Variants in PDE4DIP observed in about 807,000 individuals in gnomAD.
PDE4DIP encodes the protein myomegalin.
PDE4DIP carries 59 observed loss-of-function variants against 221.4 expected under a neutral mutation model. The ratio of observed to expected loss-of-function variants is 0.27; its 90% confidence interval spans 0.22 to 0.33. The LOEUF is 0.33. Ranked by LOEUF, PDE4DIP falls within the 10% of genes least tolerant of loss-of-function variation. PDE4DIP has a pLI of 1.00. For synonymous variants in PDE4DIP, 404 were observed against 815.9 expected (o/e 0.50, Z 8.60); for missense variants, 1,036 against 2,154.2 (o/e 0.48, Z 10.28).
At chr1:149,022,058 G>T (rs1315628058) in intron 37 of PDE4DIP, among the ~76,000 whole-genome samples, 1 of 150,592 alleles carries the variant, frequency 6.6e-6, no homozygotes, top group Non-Finnish European at 1.5e-5. Flanking sequence ...TAGGATGAGG[G>T]TAGAAATATA....
intron 43 of PDE4DIP, chr1:149,030,686 G>A: frequency 2.1e-6 from 2 of 974,242 alleles, no homozygotes; most frequent in Non-Finnish European, 2.4e-6. Context: ...AAAAGTAAAA[G>A]CAATTTGCAA....
At chr1:148,955,495 C>T (rs1341748216) in intron 5 of PDE4DIP, among the ~76,000 whole-genome samples, 2 of 152,122 alleles carry the variant, frequency 1.3e-5, no homozygotes, top group African/African-American at 4.8e-5. Flanking sequence ...TTCAGGCAGT[C>T]TCTCAATTTG....
intron 17 of PDE4DIP, 43 bp from the exon 21 acceptor site, chr1:148,977,894 G>A: frequency 1.2e-6 from 2 of 1,602,310 alleles, no homozygotes; most frequent in African/African-American, 1.3e-5. Context: ...TTGCCTCAGT[G>A]TTAAAATGTA....
intron 4 of PDE4DIP, among the ~76,000 whole-genome samples, chr1:148,933,245 A>G (rs1394948008): frequency 3.3e-5 from 5 of 152,204 alleles, no homozygotes; most frequent in African/African-American, 1.2e-4. Context: ...TCTATGCAGA[A>G]GGAGAAACTA....
At chr1:148,926,757 G>A (rs1463706461) in intron 1 of PDE4DIP, among the ~76,000 whole-genome samples, 4 of 151,872 alleles carry the variant, frequency 2.6e-5, no homozygotes, top group Non-Finnish European at 4.4e-5. Context: ...CTAGCTTAGG[G>A]ACTATTTTTT....
intron 5 of PDE4DIP, among the ~76,000 whole-genome samples, chr1:148,951,507 G>A (rs1553488276): frequency 6.6e-6 from 1 of 152,246 alleles, no homozygotes; most frequent in Non-Finnish European, 1.5e-5. Context: ...TCTGGCGCGA[G>A]CTGCATTCCC....
chr1:149,010,236 T>G (rs1489840622), intron 30 of PDE4DIP, among the ~76,000 whole-genome samples: 16 of 152,064 alleles, frequency 1.1e-4, no homozygotes, highest in Non-Finnish European at 2.1e-4. Flanking sequence ...GTTTCAGAGC[T>G]CAGAGCACCG....
At chr1:149,025,357 A>G (rs1553626255) in intron 38 of PDE4DIP, among the ~76,000 whole-genome samples, 9,676 of 148,188 alleles carry the variant, frequency 0.065, 611 homozygotes, top group East Asian at 0.4. Flanking sequence ...AACTCAGTGT[A>G]TGGTAAAATG....
intron 1 of PDE4DIP, among the ~76,000 whole-genome samples, chr1:148,918,477 C>T (rs1553459960): frequency 9.3e-6 from 1 of 108,002 alleles, no homozygotes. Context: ...TTTCTAGTAC[C>T]TATTAAAGTG....
At chr1:148,933,828 C>T (rs1349562339) in intron 4 of PDE4DIP, among the ~76,000 whole-genome samples, 1 of 151,640 alleles carries the variant, frequency 6.6e-6, no homozygotes, top group Non-Finnish European at 1.5e-5. Flanking sequence ...ACACTCATCA[C>T]CCACCACCAT....
intron 9 of PDE4DIP, among the ~76,000 whole-genome samples, chr1:148,963,009 C>T (rs1347385995): frequency 6.6e-6 from 1 of 152,172 alleles, no homozygotes. Flanking sequence ...TCTCCCACTT[C>T]AGCCTCCAGA....
intron 1 of PDE4DIP, among the ~76,000 whole-genome samples, chr1:148,915,117 G>A (rs1205142216): frequency 6.8e-6 from 1 of 147,796 alleles, no homozygotes; most frequent in East Asian, 1.9e-4. Context: ...GAGACTGCCA[G>A]TGCTTTCTTC....
At chr1:149,031,834 C>T (rs1389935082) in intron 43 of PDE4DIP, 110 bp from the exon 47 acceptor site, 81 of 972,274 alleles carry the variant, frequency 8.3e-5, no homozygotes, top group Middle Eastern at 6.1e-4. Flanking sequence ...AACTGGCTCT[C>T]ACCGTGCTCC....
chr1:148,980,407 G>C (rs1368845917), intron 20 of PDE4DIP, among the ~76,000 whole-genome samples: 2 of 152,092 alleles, frequency 1.3e-5, no homozygotes, highest in Admixed American at 1.3e-4. Flanking sequence ...AAAAGAAAAA[G>C]AGTAAGGCTA....
chr1:148,953,912 A>G (rs2054389490), intron 5 of PDE4DIP: 2 of 1,609,650 alleles, frequency 1.2e-6, no homozygotes, highest in Admixed American at 1.7e-5. Flanking sequence ...CCAGGTATAC[A>G]AAACGGCTAC....
chr1:148,952,391 G>A (rs2053633443), intron 5 of PDE4DIP: 2 of 1,082,272 alleles, frequency 1.8e-6, no homozygotes, highest in Non-Finnish European at 1.1e-6. Flanking sequence ...CATCCCCGAG[G>A]CTTTGCGTCT....
chr1:149,001,867 C>A (rs782669182), exon 24 of PDE4DIP: 1 of 1,613,792 alleles, frequency 6.2e-7, no homozygotes, highest in Middle Eastern at 1.7e-4. Context: ...CTCCAGAGCT[C>A]CTTGTGCATC....
chr1:148,821,519 T>C (rs1778632), intron 1 of PDE4DIP, among the ~76,000 whole-genome samples: 11 of 150,084 alleles, frequency 7.3e-5, no homozygotes, highest in South Asian at 2.1e-4. Context: ...TTTAAAAAAA[T>C]TTCGTTAGAG....
intron 5 of PDE4DIP, among the ~76,000 whole-genome samples, chr1:148,954,303 C>T (rs1457632802): frequency 1.3e-5 from 2 of 151,796 alleles, no homozygotes; most frequent in Non-Finnish European, 2.9e-5. Flanking sequence ...ACGTTTCCTC[C>T]CAATGGTTTT....
Sources: allele counts gnomAD v4.1 joint callset (sites outside exome capture counted in the v4.1 genomes callset), GRCh38; gene constraint gnomAD v4.1.1; transcripts MANE v1.5; gene names NCBI Gene and HGNC (gene_info 2026-07-23, HGNC 2026-07-21).